Variants in SCAI observed in about 807,000 individuals in gnomAD.
SCAI encodes the protein protein SCAI.
In SCAI, 24 loss-of-function variants were observed where a neutral mutation model predicts 92.2. The ratio of observed to expected loss-of-function variants is 0.26; its 90% CI spans 0.19 to 0.37. The LOEUF (loss-of-function observed/expected upper bound fraction) is 0.37. SCAI is among the 10% of genes least tolerant of loss of function. The pLI is 1.00. For synonymous variants in SCAI, 261 were observed against 258.6 expected (o/e 1.01, Z -0.09); for missense variants, 450 against 736.2 (o/e 0.61, Z 4.50).
chr9:125,119,786 G>GA (rs1330136211), intron 2 of SCAI, among the ~76,000 whole-genome samples: 28 of 152,174 alleles, frequency 1.8e-4, no homozygotes, highest in Admixed American at 7.2e-4. Context: ...CTGTGATGGG[G>GA]AACTAGAAGA....
chr9:125,116,495 T>C lies in SCAI; in HGVS notation c.98+26138A>G, dbSNP rs1322562549. Among the ~76,000 whole-genome samples, 8 of 152,162 alleles carry C rather than the reference T, an allele frequency of 5.3e-5. No individual in the cohort carries two copies. The East Asian group carries it at 5.8e-4, about 11-fold the overall frequency. ...AACAGAAAAAGGGATACCAGGAATA[T>C]AGGATAGACTATAACATGAAACAGT... On this transcript the variant is annotated intron_variant, in intron 2 of 17. Coordinates refer to ENST00000336505, the MANE Select transcript of SCAI (RefSeq NM_001144877.3).
intron 2 of SCAI, among the ~76,000 whole-genome samples, chr9:125,083,892 G>A (rs983317636): frequency 6.6e-6 from 1 of 152,080 alleles, no homozygotes; most frequent in African/African-American, 2.4e-5. Context: ...AAGTACAGCA[G>A]GAAGGGAGAA....
intron 2 of SCAI, among the ~76,000 whole-genome samples, chr9:125,057,300 G>C (rs370107097): frequency 2.0e-5 from 3 of 152,040 alleles, no homozygotes; most frequent in African/African-American, 7.2e-5. Context: ...ATATATAAAA[G>C]AAAAAGCAAG....
At chr9:125,018,327 C>T (rs571563226) in intron 9 of SCAI, among the ~76,000 whole-genome samples, 2 of 152,172 alleles carry the variant, frequency 1.3e-5, no homozygotes, top group South Asian at 4.2e-4. Context: ...AACTCCTGAC[C>T]TCAAGTGATC....
chr9:125,055,953 G>T lies in SCAI; in HGVS notation c.153C>A (p.Ile51=). ...IMSSGGAEDD[I]PQGERKTVTD... ...TAACTGTTTTCCTCTCTCCCTGTGG[G>T]ATATCATCTTCAGCACCTCCAGAGG... The change falls in exon 3 of 18, where the codon ATC becomes ATA. Residue 51 remains isoleucine, a synonymous_variant. Transcript: ENST00000336505. The T allele has an allele frequency of 6.2e-7, 1 of 1,610,928 alleles. No individual in the cohort carries two copies. Among genetic ancestry groups the T allele is most frequent in the Non-Finnish European group, 8.5e-7 (1 of 1,177,398 alleles).
chr9:125,140,312 G>C (rs1277473730), intron 2 of SCAI, among the ~76,000 whole-genome samples: 1 of 152,146 alleles, frequency 6.6e-6, no homozygotes, highest in Non-Finnish European at 1.5e-5. Flanking sequence ...CAGAGCACTT[G>C]AGGCCAGGAG....
At chr9:125,057,129 T>C (rs1397951398) in intron 2 of SCAI, among the ~76,000 whole-genome samples, 1 of 152,150 alleles carries the variant, frequency 6.6e-6, no homozygotes, top group Admixed American at 6.5e-5. Context: ...GATGTAAAAA[T>C]AGGCAGACAA....
intron 2 of SCAI, among the ~76,000 whole-genome samples, chr9:125,114,981 C>T (rs1431327271): frequency 6.6e-6 from 1 of 152,028 alleles, no homozygotes; most frequent in African/African-American, 2.4e-5. Flanking sequence ...CCATGATGGC[C>T]AGGCTGGTCT....
chr9:124,981,082 A>G (rs945132508), intron 14 of SCAI, among the ~76,000 whole-genome samples: 1 of 152,238 alleles, frequency 6.6e-6, no homozygotes, highest in African/African-American at 2.4e-5. Flanking sequence ...AACTGCCCAC[A>G]CAGATGAAGT....
chr9:125,025,503 T>C (rs1163630386), intron 6 of SCAI, among the ~76,000 whole-genome samples: 2 of 152,224 alleles, frequency 1.3e-5, no homozygotes, highest in Non-Finnish European at 2.9e-5. Context: ...GTATTTTTAA[T>C]GCCGATAAAA....
chr9:125,037,314 C>G (rs183931795), intron 3 of SCAI, among the ~76,000 whole-genome samples: 10 of 151,098 alleles, frequency 6.6e-5, no homozygotes, highest in African/African-American at 2.4e-4. Flanking sequence ...GGACTACATG[C>G]CTATGGTCAC....
rs988962047 is a variant in SCAI at position 124,959,537 on chromosome 9, C to CAT, written c.1675-6586_1675-6585dup. 1.3e-3 allele frequency among the ~76,000 whole-genome samples: 183 copies of CAT among 143,750 alleles called. 1 individual carries two copies. Among genetic ancestry groups the CAT allele is most frequent in the South Asian group, 7.5e-3 (34 of 4,524 alleles). The allele number at this position is 143,750 out of a possible 152,430, so 94.3% of individuals were successfully genotyped here. The stretch of plus-strand genomic sequence containing the variant: ...ATATATACACACATATATATACACA[C>CAT]ATATATATATATATAAAATACTTTA... On this transcript the variant is annotated intron_variant, in intron 17 of 17. Coordinates refer to ENST00000336505, the MANE Select transcript of SCAI (RefSeq NM_001144877.3).
chr9:124,986,029 T>C (rs1831983699), intron 14 of SCAI, among the ~76,000 whole-genome samples: 1 of 151,898 alleles, frequency 6.6e-6, no homozygotes, highest in Non-Finnish European at 1.5e-5. Flanking sequence ...CGGTGGCTCA[T>C]GCCTGTAATC....
In SCAI at chr9:124,950,467, A is replaced by G. The variant is rs980037134; in HGVS notation, c.*2340T>C. The G allele has an allele frequency of 1.3e-5, 2 of 152,200 alleles. No homozygotes were observed. Among genetic ancestry groups the G allele is most frequent in the African/African-American group, 4.8e-5 (2 of 41,446 alleles). 9.4% of individuals were successfully genotyped at this position (152,200 alleles called of 1,614,324 possible). A position where few individuals can be genotyped will look rare whatever the true frequency, so the allele number is the denominator to read the frequency against. ...GAGGATAAAGCTCAGAACAGTAAAT[A>G]CTATTTTAAACATTAGAGGACAGGA... On this transcript the variant is annotated 3_prime_UTR_variant, in exon 18 of 18. Coordinates refer to ENST00000336505, the MANE Select transcript of SCAI (RefSeq NM_001144877.3).
At chr9:125,137,693 C>T (rs1835569563) in intron 2 of SCAI, among the ~76,000 whole-genome samples, 1 of 152,112 alleles carries the variant, frequency 6.6e-6, no homozygotes. Context: ...CTCCACCTCC[C>T]AGGTTCAAGA....
intron 2 of SCAI, among the ~76,000 whole-genome samples, chr9:125,113,844 C>T (rs1452034214): frequency 6.6e-6 from 1 of 152,042 alleles, no homozygotes; most frequent in African/African-American, 2.4e-5. Context: ...TGCCTGTAAT[C>T]CCAGCTACTT....
At chr9:125,102,526 C>T (rs1834697829) in intron 2 of SCAI, among the ~76,000 whole-genome samples, 2 of 152,156 alleles carry the variant, frequency 1.3e-5, no homozygotes, top group South Asian at 4.1e-4. Flanking sequence ...CTACTCCCTG[C>T]CCAGTAAGTT....
intron 17 of SCAI, among the ~76,000 whole-genome samples, chr9:124,970,245 T>A (rs1386283008): frequency 6.6e-6 from 1 of 152,212 alleles, no homozygotes; most frequent in African/African-American, 2.4e-5. Context: ...AAACACTGCC[T>A]AGTGTTGCAC....
rs1833583180 is a variant in SCAI, at chr9:125,052,677, A to G, written c.230+3199T>C. 2.0e-5 allele frequency among the ~76,000 whole-genome samples: 3 copies of G among 152,098 alleles called. No homozygotes were observed. The South Asian group carries it at 6.2e-4, about 32-fold the overall frequency. On this transcript the variant is annotated intron_variant, in intron 3 of 17. Transcript: ENST00000336505. Reference sequence around the variant, plus strand: ...CAATCCACAGAATAAGAGAATATATATTTGCAAATCATACATCTTACAAGG... The same window carrying G: ...CAATCCACAGAATAAGAGAATATATGTTTGCAAATCATACATCTTACAAGG...
Sources: allele counts gnomAD v4.1 joint callset (sites outside exome capture counted in the v4.1 genomes callset), GRCh38; gene constraint gnomAD v4.1.1; transcripts MANE v1.5; gene names NCBI Gene and HGNC (gene_info 2026-07-23, HGNC 2026-07-21).